The following MMP27 variants were observed in gnomAD, a reference collection of about 807,000 sequenced individuals.
MMP27 encodes matrix metalloproteinase-27.
Under a neutral mutation model 48.1 loss-of-function variants are expected in MMP27, and 51 were observed. That is an observed-to-expected ratio of 1.06 (90% CI 0.85 to 1.34). The LOEUF is 1.34. MMP27 is among the 40% of genes most tolerant of loss of function. The probability of loss-of-function intolerance (pLI) is 0.00; values close to 1 mark genes in which losing one functional copy is unlikely to be tolerated. For synonymous variants in MMP27, 229 were observed against 208.9 expected, an observed-to-expected ratio of 1.10 and a Z score of -0.83; for missense variants, 698 against 619.3, an observed-to-expected ratio of 1.13 and a Z score of -1.35.
In MMP27 at chr11:102,692,993, C is replaced by T. The variant is rs773984918; in HGVS notation, c.1242G>A (p.Val414=). The T allele has an allele frequency of 3.7e-6, 6 of 1,613,580 alleles. No individual in the cohort carries two copies. The East Asian group carries it at 1.1e-4, about 30-fold the overall frequency. ...TACTGATTCCAGGAAAGTGTTTTAC[C>T]ACTCTCTGCGGGAACCCTTTGTCCA... ...QTMDKGFPQR[V]VKHFPGISIR... is the part of the protein sequence containing the mutation. Residue 414 remains valine, a synonymous_variant, in exon 9 of 10, where the codon GTG becomes GTA. Coordinates refer to ENST00000260229, the MANE Select transcript of MMP27 (RefSeq NM_022122.3).
At chr11:102,703,174 C>A in intron 2 of MMP27, 56 bp from the exon 3 acceptor site, 2 of 1,492,954 alleles carry the variant, frequency 1.3e-6, no homozygotes, top group Non-Finnish European at 1.8e-6. Flanking sequence ...TGAATATACA[C>A]ACATAACTAC....
rs745328837 is a variant in MMP27 at position 102,702,821 on chromosome 11, G to A, written c.551C>T (p.Pro184Leu). The A allele has an allele frequency of 6.2e-7, 1 of 1,613,930 alleles. No individual in the cohort carries two copies. The highest frequency in any genetic ancestry group is 8.5e-7 in the Non-Finnish European group (1 of 1,179,950). Residue 184 changes from proline to leucine, a missense_variant, in exon 4 of 10, where the codon CCT becomes CTT. Transcript: ENST00000260229. ...GPLGVLGHAF[P>L]PGPGLGGDTH... ...GTCACCACCCAGACCCGGACCAGGA[G>A]GAAAGGCATGGCCAAGCACTCCCAA...
intron 4 of MMP27, among the ~76,000 whole-genome samples, chr11:102,700,160 G>T (rs2846723): frequency 0.56 from 84,489 of 152,088 alleles, 23,922 homozygotes; most frequent in African/African-American, 0.65. Context: ...GACAGAGCCT[G>T]AGTCATAGTG....
Position 102,696,816 on chromosome 11 carries a change from C to A in MMP27, c.639G>T (p.Val213=). The part of the protein sequence containing the change: ...KDGAGFNLFL[V]AAHEFGHALG... ...GTGCATGACCAAATTCATGAGCAGCCACAAGAAACAAGTTGAATCCTTGAT... is the reference window on the plus strand; with the variant it reads ...GTGCATGACCAAATTCATGAGCAGCAACAAGAAACAAGTTGAATCCTTGAT... The change falls in exon 5 of 10, where the codon GTG becomes GTT. Residue 213 remains valine, a synonymous_variant. Transcript: ENST00000260229. 6.2e-7 allele frequency: 1 copy of A among 1,610,048 alleles called. No individual in the cohort carries two copies. Among genetic ancestry groups the A allele is most frequent in the Non-Finnish European group, 8.5e-7 (1 of 1,178,980 alleles).
At chr11:102,696,613 C>T in intron 5 of MMP27, 61 bp downstream of exon 5, 1 of 1,570,264 alleles carries the variant, frequency 6.4e-7, no homozygotes, top group Non-Finnish European at 8.6e-7. Flanking sequence ...ATTTTCTTAA[C>T]TTCCTTTCTG....
Position 102,704,702 on chromosome 11 carries a change from A to G in MMP27, c.176T>C (p.Ile59Thr), listed in dbSNP as rs752737829. The G allele has an allele frequency of 6.2e-6, 10 of 1,613,938 alleles. No homozygotes were observed. In the East Asian group the frequency reaches 1.3e-4, roughly 22 times the overall value. The change falls in exon 2 of 10, where the codon ATA becomes ACA. Residue 59 changes from isoleucine to threonine, a missense_variant. Physicochemically the swap from Ile to Thr is moderately conservative, Grantham distance 89. Coordinates refer to ENST00000260229, the MANE Select transcript of MMP27 (RefSeq NM_022122.3). ...TTGCATTTCCCGAATTTTGTCATCT[A>G]TGAGACTCCTATTCTTGCTTTGAAC... ...HLVQSKNRSLIDDKIREMQAF... is the reference protein window; with the variant it reads ...HLVQSKNRSLTDDKIREMQAF...
At chr11:102,696,555 G>T (rs960552349) in intron 5 of MMP27, 64 bp from the exon 6 acceptor site, 1 of 1,590,388 alleles carries the variant, frequency 6.3e-7, no homozygotes, top group Non-Finnish European at 8.6e-7. Context: ...CCTACACAAG[G>T]GTCTTACCTA....
intron 7 of MMP27, among the ~76,000 whole-genome samples, 188 bp from the exon 8 acceptor site, chr11:102,694,253 C>A (rs946253798): frequency 6.6e-6 from 1 of 152,236 alleles, no homozygotes; most frequent in East Asian, 1.9e-4. Flanking sequence ...ATAATATATA[C>A]CTGTAAAAGT....
chr11:102,694,115 C>T (rs116386183), intron 7 of MMP27, 50 bp from the exon 8 acceptor site: 4 of 1,388,346 alleles, frequency 2.9e-6, no homozygotes, highest in Non-Finnish European at 1.9e-6. Context: ...AAATAGGTAT[C>T]TCAAGAAATT....
rs1860971838 is a variant in MMP27, at chr11:102,702,969, CCT to C, written c.489_490del (p.Val164ProfsTer9). 6.2e-7 allele frequency: 1 copy of C among 1,613,166 alleles called. No homozygotes were observed. The highest frequency in any genetic ancestry group is 8.5e-7 in the Non-Finnish European group (1 of 1,179,792). ...GCTTTGCTCTCTGTTGAAAACCTTA[CCT>C]CGAGTCCTAAAGGCAATCATGATGT... is the stretch of plus-strand genomic sequence containing the variant. On this transcript the variant is annotated frameshift_variant and splice_region_variant, in exon 3 of 10. Transcript: ENST00000260229. LOFTEE classifies it high-confidence loss of function.
At chr11:102,698,740 C>T (rs1201928528) in intron 4 of MMP27, among the ~76,000 whole-genome samples, 1 of 152,138 alleles carries the variant, frequency 6.6e-6, no homozygotes, top group East Asian at 1.9e-4. Flanking sequence ...ACCTTTGTCT[C>T]TTTGCTAATA....
intron 4 of MMP27, among the ~76,000 whole-genome samples, chr11:102,701,849 G>A (rs375721364): frequency 6.6e-6 from 1 of 152,198 alleles, no homozygotes; most frequent in Non-Finnish European, 1.5e-5. Context: ...CACAGAAAGT[G>A]CAAAGCTGAT....
Position 102,692,968 on chromosome 11 carries a change from T to C in MMP27, c.1267A>G (p.Ile423Val). 6.2e-7 allele frequency: 1 copy of C among 1,613,880 alleles called. No homozygotes were observed. The highest frequency in any genetic ancestry group is 1.1e-5 in the South Asian group (1 of 91,066). The change falls in exon 9 of 10, where the codon ATC (isoleucine) becomes GTC (valine). Residue 423 changes from isoleucine to valine, a missense_variant. Transcript: ENST00000260229. Reference sequence around the variant, plus strand: ...TACTGGAAAGCAGCATCAACACGGATACTGATTCCAGGAAAGTGTTTTACC... The same window carrying C: ...TACTGGAAAGCAGCATCAACACGGACACTGATTCCAGGAAAGTGTTTTACC... ...RVVKHFPGIS[I>V]RVDAAFQYKG...
intron 3 of MMP27, 42 bp downstream of exon 3, chr11:102,702,928 T>C: frequency 6.2e-7 from 1 of 1,611,674 alleles, no homozygotes; most frequent in Non-Finnish European, 8.5e-7. Context: ...TCCTCAAATC[T>C]CCTGAGATAA....
In MMP27 at chr11:102,691,528, GT is replaced by G. The variant is rs1174777220; in HGVS notation, c.*237del. 1 of 391,890 alleles carries G rather than the reference GT, an allele frequency of 2.6e-6. No homozygotes were observed. The highest frequency in any genetic ancestry group is 4.6e-6 in the Non-Finnish European group (1 of 218,214). The allele number at this position is 391,890 out of a possible 1,614,324, so 24.3% of individuals were successfully genotyped here. ...GGTTTAATAAATGTTTCAGTATTCA[GT>G]TATAAGACATGTCTTCTCCAAGTCC... On this transcript the variant is annotated 3_prime_UTR_variant, in exon 10 of 10. Coordinates refer to ENST00000260229, the MANE Select transcript of MMP27 (RefSeq NM_022122.3).
rs748725234 is a variant in MMP27 at position 102,702,811 on chromosome 11, C to T, written c.561G>A (p.Pro187=). Residue 187 remains proline (P), a synonymous_variant, in exon 4 of 10, where the codon CCG becomes CCA. Coordinates refer to ENST00000260229, the MANE Select transcript of MMP27 (RefSeq NM_022122.3). The stretch of plus-strand genomic sequence containing the variant: ...CAAAATGAGTGTCACCACCCAGACC[C>T]GGACCAGGAGGAAAGGCATGGCCAA... ...GVLGHAFPPG[P]GLGGDTHFDE... 26 of 1,613,914 alleles carry T rather than the reference C, an allele frequency of 1.6e-5. No homozygotes were observed. The highest frequency in any genetic ancestry group is 8.9e-5 in the East Asian group (4 of 44,900).
At chr11:102,704,388 G>A (rs543937708) in intron 2 of MMP27, 149 bp downstream of exon 2, 1 of 698,486 alleles carries the variant, frequency 1.4e-6, no homozygotes, top group South Asian at 1.7e-5. Flanking sequence ...CTACAGCACA[G>A]GTTTGTTGGG....
intron 4 of MMP27, among the ~76,000 whole-genome samples, chr11:102,700,048 A>C (rs1214286518): frequency 2.0e-5 from 3 of 152,102 alleles, no homozygotes; most frequent in Non-Finnish European, 2.9e-5. Flanking sequence ...TACTGATCCT[A>C]CTGATTTTAG....
chr11:102,693,117 A>G, intron 8 of MMP27, 76 bp from the exon 9 acceptor site: 2 of 1,098,958 alleles, frequency 1.8e-6, no homozygotes, highest in Non-Finnish European at 2.8e-6. Context: ...CACAACTTAG[A>G]GTCAAGCAGG....
Sources: gnomAD v4.1 joint callset for allele counts (sites outside exome capture counted in the v4.1 genomes callset) on GRCh38, gnomAD v4.1.1 for gene constraint, MANE v1.5 for transcripts, NCBI Gene and HGNC (gene_info 2026-07-23, HGNC 2026-07-21) for gene names.